KLK6: variants seen among roughly 807,000 people sequenced by gnomAD.
The protein encoded by KLK6 is kallikrein related peptidase 6, also known as kallikrein-6.
In KLK6, 16 loss-of-function variants were observed where a neutral mutation model predicts 21.7. That is an observed-to-expected ratio of 0.74 (90% CI 0.50 to 1.12). The LOEUF (loss-of-function observed/expected upper bound fraction) is 1.12, where lower values mean the gene tolerates loss of function less well. Among genes scored for constraint, KLK6 ranks in the 50% most tolerant of loss-of-function variants. The pLI is 0.00. For missense variants in KLK6, 276 were observed against 304.6 expected (o/e 0.91, Z 0.70); for synonymous variants, 116 against 120.1 (o/e 0.97, Z 0.22).
rs771069922 is a variant in KLK6, at chr19:50,963,446, C to A, written c.301G>T (p.Ala101Ser). The A allele has an allele frequency of 6.2e-7, 1 of 1,613,444 alleles. No individual in the cohort carries two copies. The highest frequency in any genetic ancestry group is 1.7e-5 in the Admixed American group (1 of 60,002). Residue 101 changes from alanine (A) to serine (S), a missense_variant, in exon 5 of 7, where the codon GCC becomes TCC. By Grantham distance (99) the Ala-to-Ser change is moderately conservative. Transcript: ENST00000310157. ...RAVIHPDYDA[A>S]SHDQDIMLLR... ...AGCATGATGTCCTGGTCATGGCTGG[C>A]GGCATCATAGTCAGGGTGGATCACA...
At chr19:50,963,673 G>C in intron 4 of KLK6, 124 bp from the exon 5 acceptor site, 2 of 1,076,350 alleles carry the variant, frequency 1.9e-6, no homozygotes, top group Non-Finnish European at 2.7e-6. Context: ...CTGGGTAAAT[G>C]GCAATTCCAT....
At chr19:50,966,742 A>C (rs1328260078) in intron 4 of KLK6, among the ~76,000 whole-genome samples, 1 of 152,174 alleles carries the variant, frequency 6.6e-6, no homozygotes, top group Non-Finnish European at 1.5e-5. Flanking sequence ...CAGAGGTTGC[A>C]GTGAGCTGAG....
chr19:50,963,660 C>T (rs953060225), intron 4 of KLK6, 111 bp from the exon 5 acceptor site: 6 of 1,292,170 alleles, frequency 4.6e-6, no homozygotes, highest in African/African-American at 1.5e-5. Context: ...CAGTCTTCCC[C>T]AGCTGGGTAA....
Position 50,959,155 on chromosome 19 carries a change from A to G in KLK6, c.*9T>C, listed in dbSNP as rs759400718. ...TGGTAGGTCGGGAGGTAGATGTCAC[A>G]TGTCAGGGTCACTTGGCCTGAATGG... On this transcript the variant is annotated 3_prime_UTR_variant, in exon 7 of 7. Transcript: ENST00000310157. 1.1e-5 allele frequency: 17 copies of G among 1,614,054 alleles called. No individual in the cohort carries two copies. Among genetic ancestry groups the G allele is most frequent in the East Asian group, 2.2e-5 (1 of 44,884 alleles).
At position 50,963,395 on chromosome 19, in the gene KLK6, G is replaced by T; in HGVS notation, c.352C>A (p.Leu118Ile). The T allele has an allele frequency of 6.2e-7, 1 of 1,614,236 alleles. No individual in the cohort carries two copies. The highest frequency in any genetic ancestry group is 1.1e-5 in the South Asian group (1 of 91,082). Residue 118 changes from leucine to isoleucine, a missense_variant, in exon 5 of 7, where the codon CTC (leucine) becomes ATC (isoleucine). Coordinates refer to ENST00000310157, the MANE Select transcript of KLK6 (RefSeq NM_002774.4). The part of the protein sequence containing the change: ...MLLRLARPAK[L>I]SELIQPLPLE... The stretch of plus-strand genomic sequence containing the variant: ...GGAAGGGGCTGGATGAGTTCAGAGA[G>T]TTTGGCTGGGCGTGCCAGGCGCAAC...
In KLK6 at chr19:50,968,116, A is replaced by G; in HGVS notation, c.-8-4T>C. 6.2e-7 allele frequency: 1 copy of G among 1,613,794 alleles called. No individual in the cohort carries two copies. Among genetic ancestry groups the G allele is most frequent in the Admixed American group, 1.7e-5 (1 of 59,986 alleles). On this transcript the variant is annotated splice_region_variant and splice_polypyrimidine_tract_variant and intron_variant, in intron 2 of 6. Transcript: ENST00000310157. ...ATCAGCTTCTTCATGGCCGCTCCTGAGAGGGGAAGCCACATGGTCCATTAG... is the reference window on the plus strand; with the variant it reads ...ATCAGCTTCTTCATGGCCGCTCCTGGGAGGGGAAGCCACATGGTCCATTAG...
In KLK6 at chr19:50,968,566, G is replaced by A. The variant is rs967619330; in HGVS notation, c.-34C>T. Reference sequence around the variant, plus strand: ...CTGCTGCAGGCCTCCGGGCTCCGGGGATTCTTGAGTCGGGGGAAGGAACAG... The same window carrying A: ...CTGCTGCAGGCCTCCGGGCTCCGGGAATTCTTGAGTCGGGGGAAGGAACAG... On this transcript the variant is annotated 5_prime_UTR_variant, in exon 2 of 7. Coordinates refer to ENST00000310157, the MANE Select transcript of KLK6 (RefSeq NM_002774.4). 5 of 183,914 alleles carry A rather than the reference G, an allele frequency of 2.7e-5. No individual in the cohort carries two copies. The highest frequency in any genetic ancestry group is 5.7e-5 in the Non-Finnish European group (5 of 87,436). The allele number at this position is 183,914 out of a possible 1,614,324, so 11.4% of individuals were successfully genotyped here. A position where few individuals can be genotyped will look rare whatever the true frequency, so the allele number is the denominator to read the frequency against.
chr19:50,967,458 G>C, intron 3 of KLK6, 133 bp from the exon 4 acceptor site: 1 of 830,066 alleles, frequency 1.2e-6, no homozygotes, highest in Non-Finnish European at 1.8e-6. Context: ...CAGGAGGATC[G>C]CTTGAGCCCA....
chr19:50,959,211 C>T lies in KLK6; in HGVS notation c.688G>A (p.Val230Ile), dbSNP rs755504009. 2.4e-5 allele frequency: 39 copies of T among 1,613,914 alleles called. No homozygotes were observed. The highest frequency in any genetic ancestry group is 3.0e-5 in the Non-Finnish European group (35 of 1,180,020). The part of the protein sequence containing the change: ...SKEKPGVYTN[V>I]CRYTNWIQKT... ...TGGATCCAGTTCGTGTATCTGCAGA[C>T]GTTGGTGTAGACTCCTGGCTTCTCC... Residue 230 changes from valine (V) to isoleucine (I), a missense_variant, in exon 7 of 7, where the codon GTC (valine) becomes ATC (isoleucine). Coordinates refer to ENST00000310157, the MANE Select transcript of KLK6 (RefSeq NM_002774.4).
At chr19:50,966,895 A>C (rs938108062) in intron 4 of KLK6, among the ~76,000 whole-genome samples, 7 of 152,216 alleles carry the variant, frequency 4.6e-5, no homozygotes, top group African/African-American at 1.7e-4. Flanking sequence ...GCAGGTCCCC[A>C]AATGATCCAA....
intron 4 of KLK6, among the ~76,000 whole-genome samples, chr19:50,966,024 C>T (rs1640434350): frequency 1.3e-5 from 2 of 152,118 alleles, no homozygotes; most frequent in African/African-American, 2.4e-5. Flanking sequence ...CTCATCTAGT[C>T]CCATGGCTTT....
At chr19:50,961,907 C>G (rs775756729) in intron 5 of KLK6, 27 bp from the exon 6 acceptor site, 6 of 1,607,798 alleles carry the variant, frequency 3.7e-6, no homozygotes, top group Non-Finnish European at 4.2e-6. Context: ...GGGCCAGACT[C>G]AGCCCAGGCC....
chr19:50,961,601 G>T (rs980290104), intron 6 of KLK6, 143 bp downstream of exon 6: 7 of 919,830 alleles, frequency 7.6e-6, no homozygotes, highest in Admixed American at 5.9e-5. Context: ...TCTTTTCAAG[G>T]CTTGGGTTCT....
At chr19:50,967,017 A>T in intron 4 of KLK6, 152 bp downstream of exon 4, 1 of 733,014 alleles carries the variant, frequency 1.4e-6, no homozygotes, top group Non-Finnish European at 2.3e-6. Flanking sequence ...GGCACACATT[A>T]AGTACTCAAT....
chr19:50,959,708 AAGGAG>A (rs1568534992), intron 6 of KLK6, among the ~76,000 whole-genome samples: 1 of 38 alleles, frequency 0.026, no homozygotes, highest in African/African-American at 0.1. Flanking sequence ...GGAAGAGGAG[AAGGAG>A]AGGAGGAAGA....
In KLK6 at chr19:50,967,297, C is replaced by A. The variant is rs1233922168; in HGVS notation, c.69G>T (p.Val23=). The change falls in exon 4 of 7, where the codon GTG becomes GTT. Residue 23 remains valine (V), a synonymous_variant. Transcript: ENST00000310157. Reference sequence around the variant, plus strand: ...ATGTCTTGTCGCAGGGTCCGCCATGCACCAACTTATTCTGCTCCTCTGCCC... The same window carrying A: ...ATGTCTTGTCGCAGGGTCCGCCATGAACCAACTTATTCTGCTCCTCTGCCC... ...AAWAEEQNKL[V]HGGPCDKTSH... 1.9e-6 allele frequency: 3 copies of A among 1,612,726 alleles called. No individual in the cohort carries two copies. The East Asian group carries it at 6.7e-5, about 36-fold the overall frequency.
At chr19:50,968,417 A>G (rs1399087285) in intron 2 of KLK6, 124 bp downstream of exon 2, 2 of 466,952 alleles carry the variant, frequency 4.3e-6, no homozygotes, top group Non-Finnish European at 3.9e-6. Context: ...TCGACAGGAG[A>G]GGGTTACCCT....
At chr19:50,964,911 T>G (rs1218405499) in intron 4 of KLK6, among the ~76,000 whole-genome samples, 1 of 152,228 alleles carries the variant, frequency 6.6e-6, no homozygotes, top group African/African-American at 2.4e-5. Context: ...AAGACGGTTC[T>G]CACCTCAGGG....
rs888774154 is a variant in KLK6, at chr19:50,963,200, C to G, written c.445+102G>C. ...TGTCCCATTGGTCCTCACCATTAGC[C>G]CATCTTCCCATGGCCCCTCACCAAT... On this transcript the variant is annotated intron_variant, in intron 5 of 6. Coordinates refer to ENST00000310157, the MANE Select transcript of KLK6 (RefSeq NM_002774.4). The G allele has an allele frequency of 2.7e-6, 4 of 1,479,334 alleles. No individual in the cohort carries two copies. The African/African-American group carries it at 5.5e-5, about 21-fold the overall frequency. The allele number at this position is 1,479,334 out of a possible 1,614,324, so 91.6% of individuals were successfully genotyped here. A position where few individuals can be genotyped will look rare whatever the true frequency, so the allele number is the denominator to read the frequency against.
Sources: gnomAD v4.1 joint callset for allele counts (sites outside exome capture counted in the v4.1 genomes callset) on GRCh38, gnomAD v4.1.1 for gene constraint, MANE v1.5 for transcripts, NCBI Gene and HGNC (gene_info 2026-07-23, HGNC 2026-07-21) for gene names.